Variants in PPFIBP2 observed in about 807,000 individuals in gnomAD.
PPFIBP2 encodes the protein PPFIB scaffold protein 2, also known as liprin-beta-2.
Under a neutral mutation model 118.3 loss-of-function variants are expected in PPFIBP2, and 118 were observed. The ratio of observed to expected loss-of-function variants is 1.00; its 90% confidence interval spans 0.86 to 1.16. PPFIBP2 has a LOEUF of 1.16. Ranked by LOEUF, PPFIBP2 falls within the 50% of genes most tolerant of loss-of-function variation. The pLI, the probability that PPFIBP2 is intolerant of heterozygous loss-of-function variation, is 0.00. For missense variants in PPFIBP2, 1,195 were observed against 1,073.1 expected, an observed-to-expected ratio of 1.11 and a Z score of -1.59; for synonymous variants, 414 against 397.4, an observed-to-expected ratio of 1.04 and a Z score of -0.50.
chr11:7,641,747 A>G (rs1852229756), intron 16 of PPFIBP2, 127 bp downstream of exon 16: 1 of 970,276 alleles, frequency 1.0e-6, no homozygotes, highest in African/African-American at 1.6e-5. Context: ...GTTCATGTTC[A>G]AAGAGAAGAA....
chr11:7,660,952 G>T (rs1461731424), downstream of PPFIBP2, among the ~76,000 whole-genome samples: 41 of 150,528 alleles, frequency 2.7e-4, no homozygotes, highest in East Asian at 1.6e-3. Flanking sequence ...TTTGTAGTAT[G>T]CTCTGATGGT....
rs113300449 is a variant in PPFIBP2, at chr11:7,542,866, A to T, written c.-36-6574A>T. Among the ~76,000 whole-genome samples, 1,377 of 152,348 alleles carry T rather than the reference A, an allele frequency of 9.0e-3. 21 individuals carry two copies. The highest frequency in any genetic ancestry group is 0.031 in the African/African-American group (1,306 of 41,582). On this transcript the variant is annotated intron_variant, in intron 1 of 23. Coordinates refer to ENST00000299492, the MANE Select transcript of PPFIBP2 (RefSeq NM_003621.5). ...AATTAAATGTTTAGGTTCAGCCTGCAATGTTTACCTGAGTTCTGTCTTGTT... is the reference window on the plus strand; with the variant it reads ...AATTAAATGTTTAGGTTCAGCCTGCTATGTTTACCTGAGTTCTGTCTTGTT...
At chr11:7,535,498 G>A (rs1350225526) in intron 1 of PPFIBP2, among the ~76,000 whole-genome samples, 1 of 152,210 alleles carries the variant, frequency 6.6e-6, no homozygotes, top group Non-Finnish European at 1.5e-5. Context: ...CTTCCTGGAT[G>A]TGTGATTTGA....
At chr11:7,582,306 G>A (rs1322712718) in intron 3 of PPFIBP2, among the ~76,000 whole-genome samples, 1 of 152,088 alleles carries the variant, frequency 6.6e-6, no homozygotes, top group South Asian at 2.1e-4. Context: ...CAGTGGATAT[G>A]GTCACCCAAG....
At chr11:7,652,203 A>G (rs563608702) in intron 23 of PPFIBP2, among the ~76,000 whole-genome samples, 4 of 152,358 alleles carry the variant, frequency 2.6e-5, no homozygotes, top group African/African-American at 7.2e-5. Flanking sequence ...GCGTGCCGCA[A>G]TGCCGTGGGA....
chr11:7,574,100 C>A (rs1336985863), intron 3 of PPFIBP2: 1 of 152,240 alleles, frequency 6.6e-6, no homozygotes. Flanking sequence ...CCCCGGCAAA[C>A]CTGACCACCC....
intron 1 of PPFIBP2, among the ~76,000 whole-genome samples, chr11:7,533,839 T>C (rs533159368): frequency 1.4e-4 from 22 of 152,302 alleles, no homozygotes; most frequent in African/African-American, 5.3e-4. Context: ...GTTAACTGTA[T>C]TAGAGGACTT....
rs914468920 is a variant in PPFIBP2, at chr11:7,616,823, G to C, written c.619-4112G>C. On this transcript the variant is annotated intron_variant, in intron 6 of 23. Coordinates refer to ENST00000299492, the MANE Select transcript of PPFIBP2 (RefSeq NM_003621.5). This position sits in a 1 kb window ranked among gnomAD's most constrained non-coding sequence, Gnocchi z 5.2. Reference sequence around the variant, plus strand: ...GCTATTGCTTCTGCTTGGATGAAGAGTTTCTTCTAGACTCCATGCCTCGGT... The same window carrying C: ...GCTATTGCTTCTGCTTGGATGAAGACTTTCTTCTAGACTCCATGCCTCGGT... 6.6e-6 allele frequency among the ~76,000 whole-genome samples: 1 copy of C among 151,836 alleles called. No homozygotes were observed. The highest frequency in any genetic ancestry group is 2.4e-5 in the African/African-American group (1 of 41,308).
chr11:7,611,541 A>G (rs1046079633), intron 6 of PPFIBP2, among the ~76,000 whole-genome samples: 1 of 152,262 alleles, frequency 6.6e-6, no homozygotes, highest in Non-Finnish European at 1.5e-5. Context: ...GATATCCCCA[A>G]TAAGCTGAGA....
intron 3 of PPFIBP2, chr11:7,577,169 C>T (rs1337180692): frequency 6.1e-6 from 1 of 163,476 alleles, no homozygotes; most frequent in Non-Finnish European, 1.3e-5. Context: ...CCGGTATTAT[C>T]ACTGAGAATG....
intron 3 of PPFIBP2, chr11:7,576,701 G>C (rs1323959352): frequency 6.6e-6 from 1 of 152,428 alleles, no homozygotes; most frequent in Non-Finnish European, 1.5e-5. Flanking sequence ...GTGGCCCCCA[G>C]GGTGCCCTGG....
chr11:7,614,461 C>T (rs1057509764), intron 6 of PPFIBP2, among the ~76,000 whole-genome samples: 2 of 152,180 alleles, frequency 1.3e-5, no homozygotes, highest in Non-Finnish European at 2.9e-5. Context: ...TCATTCATAT[C>T]TATGTCTGCA....
chr11:7,527,656 G>A (rs190308448), intron 1 of PPFIBP2, among the ~76,000 whole-genome samples: 3 of 152,238 alleles, frequency 2.0e-5, no homozygotes, highest in Non-Finnish European at 2.9e-5. Context: ...AAGATGTTGG[G>A]GGGGCCTGGC....
chr11:7,552,022 G>A (rs1853054244), intron 2 of PPFIBP2, among the ~76,000 whole-genome samples: 2 of 152,198 alleles, frequency 1.3e-5, no homozygotes, highest in Admixed American at 6.5e-5. Context: ...CCTCCATCTT[G>A]GAAGGTTCTA....
chr11:7,641,061 A>T, intron 15 of PPFIBP2: 1 of 1,277,620 alleles, frequency 7.8e-7, no homozygotes, highest in Non-Finnish European at 1.0e-6. Flanking sequence ...GTGCCCCCGT[A>T]TTAGGTACTG....
At chr11:7,540,984 T>C (rs1851717773) in intron 1 of PPFIBP2, among the ~76,000 whole-genome samples, 2 of 152,160 alleles carry the variant, frequency 1.3e-5, no homozygotes, top group Non-Finnish European at 2.9e-5. Context: ...AAAAGGTATG[T>C]ATGGTAAAAG....
intron 3 of PPFIBP2, chr11:7,569,125 G>T (rs11041459): frequency 0.17 from 25,268 of 152,212 alleles, 2,125 homozygotes; most frequent in African/African-American, 0.18. Flanking sequence ...TAGCAGACTA[G>T]TCCTGGGCTC....
At chr11:7,521,333 A>C (rs188394179) in intron 1 of PPFIBP2, among the ~76,000 whole-genome samples, 40 of 152,304 alleles carry the variant, frequency 2.6e-4, no homozygotes, top group Admixed American at 2.4e-3. Flanking sequence ...GATAAAATAC[A>C]CCATCCTTGT....
chr11:7,521,172 A>G (rs1416032146), intron 1 of PPFIBP2, among the ~76,000 whole-genome samples: 1 of 152,136 alleles, frequency 6.6e-6, no homozygotes, highest in Non-Finnish European at 1.5e-5. Context: ...TCATGTTCAT[A>G]TGTACACATT....
Sources: allele counts gnomAD v4.1 joint callset (sites outside exome capture counted in the v4.1 genomes callset), GRCh38; gene constraint gnomAD v4.1.1; non-coding constraint Gnocchi (gnomAD v3.1); transcripts MANE v1.5; gene names NCBI Gene and HGNC (gene_info 2026-07-23, HGNC 2026-07-21).